Variants in SLCO6A1 observed in about 807,000 individuals in gnomAD.
The protein encoded by SLCO6A1 is cancer/testis antigen 48.
A neutral mutation model predicts 72.7 loss-of-function variants in SLCO6A1; 65 were observed. The observed-to-expected ratio is 0.89, with a 90% confidence interval of 0.73 to 1.10. The LOEUF (loss-of-function observed/expected upper bound fraction) is 1.10. SLCO6A1 is among the 50% of genes least tolerant of loss of function. The probability of loss-of-function intolerance (pLI) is 0.00; values close to 1 mark genes in which losing one functional copy is unlikely to be tolerated. For synonymous variants in SLCO6A1, 314 were observed against 298.2 expected (o/e 1.05, Z -0.55); for missense variants, 874 against 872.6 (o/e 1.00, Z -0.02).
At chr5:102,470,280 G>C (rs1039603835) in intron 4 of SLCO6A1, among the ~76,000 whole-genome samples, 1 of 152,082 alleles carries the variant, frequency 6.6e-6, no homozygotes, top group Non-Finnish European at 1.5e-5. Flanking sequence ...TTGTGAATCT[G>C]TCTGGTCCTG....
chr5:102,413,197 T>G (rs1043201350), intron 8 of SLCO6A1, 54 bp from the exon 9 acceptor site: 21 of 1,472,834 alleles, frequency 1.4e-5, no homozygotes, highest in Non-Finnish European at 1.7e-5. Context: ...TAATTATTGA[T>G]GCAAATGTCA....
At chr5:102,404,233 C>T (rs1289576708) in intron 9 of SLCO6A1, among the ~76,000 whole-genome samples, 2 of 152,170 alleles carry the variant, frequency 1.3e-5, no homozygotes, top group African/African-American at 4.8e-5. Flanking sequence ...TGGTGGCTCA[C>T]GCCTGTAATC....
At chr5:102,447,477 G>A (rs779010212) in intron 6 of SLCO6A1, among the ~76,000 whole-genome samples, 21 of 152,060 alleles carry the variant, frequency 1.4e-4, no homozygotes, top group Non-Finnish European at 2.6e-4. Flanking sequence ...AGTAGAATTT[G>A]GCTGTGAATC....
chr5:102,382,272 CA>C (rs1052660547), intron 12 of SLCO6A1, among the ~76,000 whole-genome samples: 56 of 151,746 alleles, frequency 3.7e-4, no homozygotes, highest in Admixed American at 2.6e-3. Context: ...GTTCTTGGCA[CA>C]TGTTAAAGAT....
At chr5:102,419,787 AT>A in intron 8 of SLCO6A1, 38 bp downstream of exon 8, 1 of 1,486,470 alleles carries the variant, frequency 6.7e-7, no homozygotes, top group Non-Finnish European at 9.1e-7. Context: ...ATGCTGTAGG[AT>A]TTTGATGTAA....
At chr5:102,465,950 A>G (rs781188278) in intron 4 of SLCO6A1, among the ~76,000 whole-genome samples, 1 of 152,186 alleles carries the variant, frequency 6.6e-6, no homozygotes, top group Non-Finnish European at 1.5e-5. Flanking sequence ...ACTATACAGC[A>G]GAAACCCATT....
intron 6 of SLCO6A1, among the ~76,000 whole-genome samples, chr5:102,455,007 AATATAT>A (rs912771095): frequency 9.1e-5 from 7 of 76,686 alleles, no homozygotes; most frequent in Non-Finnish European, 1.3e-4. Flanking sequence ...AATATATATA[AATATAT>A]ATATATATAT....
chr5:102,384,805 T>C (rs571631600), intron 12 of SLCO6A1, among the ~76,000 whole-genome samples: 1 of 152,258 alleles, frequency 6.6e-6, no homozygotes, highest in African/African-American at 2.4e-5. Context: ...CTTTTACCAC[T>C]GAGTTTTATA....
At chr5:102,384,642 T>C (rs919237606) in intron 12 of SLCO6A1, among the ~76,000 whole-genome samples, 1 of 152,282 alleles carries the variant, frequency 6.6e-6, no homozygotes, top group Non-Finnish European at 1.5e-5. Flanking sequence ...TTTTAACTTC[T>C]CTTCATCCCA....
intron 4 of SLCO6A1, among the ~76,000 whole-genome samples, chr5:102,460,425 G>A (rs1480086800): frequency 3.3e-5 from 5 of 152,074 alleles, no homozygotes; most frequent in Non-Finnish European, 5.9e-5. Flanking sequence ...TTGGAAAGTC[G>A]AGGATTCTAT....
At chr5:102,392,364 T>C (rs942571464) in intron 10 of SLCO6A1, among the ~76,000 whole-genome samples, 2 of 152,002 alleles carry the variant, frequency 1.3e-5, no homozygotes, top group African/African-American at 2.4e-5. Context: ...AGAATCACAC[T>C]TTAGTGTAGT....
intron 6 of SLCO6A1, among the ~76,000 whole-genome samples, chr5:102,439,601 C>A (rs1210935393): frequency 6.6e-6 from 1 of 152,010 alleles, no homozygotes; most frequent in Non-Finnish European, 1.5e-5. Flanking sequence ...TTATTCATTC[C>A]CATAATATTA....
intron 1 of SLCO6A1, among the ~76,000 whole-genome samples, chr5:102,489,145 A>G (rs75018896): frequency 0.023 from 3,520 of 152,348 alleles, 93 homozygotes; most frequent in African/African-American, 0.068. Flanking sequence ...AATAGTTCCC[A>G]AGAGCTGCAT....
chr5:102,459,809 A>G, intron 4 of SLCO6A1, 32 bp from the exon 5 acceptor site: 1 of 1,536,470 alleles, frequency 6.5e-7, no homozygotes, highest in Non-Finnish European at 8.7e-7. Context: ...AAAAAAAGCA[A>G]CTTTAGGTAT....
intron 12 of SLCO6A1, among the ~76,000 whole-genome samples, chr5:102,376,144 GCCTTTAAAATTC>G (rs1745774371): frequency 6.6e-6 from 1 of 152,114 alleles, no homozygotes; most frequent in South Asian, 2.1e-4. Flanking sequence ...GTGATGTAAT[GCCTTTAAAATTC>G]CGAGAGTTAC....
intron 12 of SLCO6A1, among the ~76,000 whole-genome samples, chr5:102,378,326 C>T (rs1397640540): frequency 6.6e-6 from 1 of 152,082 alleles, no homozygotes; most frequent in Non-Finnish European, 1.5e-5. Context: ...AAAAACCAAA[C>T]ACTGCATGTT....
At chr5:102,393,905 A>G (rs781227067) in intron 10 of SLCO6A1, among the ~76,000 whole-genome samples, 20 of 152,188 alleles carry the variant, frequency 1.3e-4, no homozygotes, top group Admixed American at 3.3e-4. Context: ...GAAGCCCTTC[A>G]CTGCTTCAGA....
intron 7 of SLCO6A1, among the ~76,000 whole-genome samples, chr5:102,421,040 A>C (rs1444762724): frequency 6.6e-6 from 1 of 152,022 alleles, no homozygotes; most frequent in Non-Finnish European, 1.5e-5. Context: ...CCCCTAGCCA[A>C]GGGAAGCTGT....
intron 7 of SLCO6A1, among the ~76,000 whole-genome samples, chr5:102,428,694 T>C (rs1749048697): frequency 6.6e-6 from 1 of 152,134 alleles, no homozygotes; most frequent in South Asian, 2.1e-4. Context: ...GTTGTTCTCT[T>C]TGCATCTATA....
Sources: gnomAD v4.1 joint callset for allele counts (sites outside exome capture counted in the v4.1 genomes callset) on GRCh38, gnomAD v4.1.1 for gene constraint, MANE v1.5 for transcripts, NCBI Gene and HGNC (gene_info 2026-07-23, HGNC 2026-07-21) for gene names.